Variants in STAP1 observed in about 807,000 individuals in gnomAD.
STAP1 encodes signal transducing adaptor family member 1.
STAP1 carries 30 observed loss-of-function variants against 37.8 expected under a neutral mutation model. The observed-to-expected ratio is 0.79, with a 90% CI of 0.59 to 1.08. The LOEUF is 1.08. STAP1 is among the 50% of genes least tolerant of loss of function. The pLI is 0.00. For missense variants in STAP1, 357 were observed against 349.4 expected, an observed-to-expected ratio of 1.02 and a Z score of -0.17; for synonymous variants, 130 against 116.0, an observed-to-expected ratio of 1.12 and a Z score of -0.78.
At position 67,567,368 on chromosome 4, in the gene STAP1, TG is replaced by T. The variant is rs34020128; in HGVS notation, c.121-3710del. 1.2e-4 allele frequency among the ~76,000 whole-genome samples: 17 copies of T among 142,054 alleles called. No homozygotes were observed. In the East Asian group the frequency reaches 3.5e-3, roughly 29 times the overall value. The allele number at this position is 142,054 out of a possible 152,430, so 93.2% of individuals were successfully genotyped here. On this transcript the variant is annotated intron_variant, in intron 1 of 8. Transcript: ENST00000265404. ...TTGCATGTTATAACCAGTTCTCAAC[TG>T]GGGGGAGGATAGAGTGAAAACACAG...
intron 8 of STAP1, among the ~76,000 whole-genome samples, chr4:67,598,714 C>G (rs901619158): frequency 2.0e-5 from 3 of 152,136 alleles, no homozygotes; most frequent in Non-Finnish European, 4.4e-5. Context: ...AATATTTTCT[C>G]CCATTCTGTG....
At chr4:67,598,873 T>A (rs1728278406) in intron 8 of STAP1, among the ~76,000 whole-genome samples, 1 of 152,222 alleles carries the variant, frequency 6.6e-6, no homozygotes, top group Non-Finnish European at 1.5e-5. Context: ...TGGAGAGTTT[T>A]CCCAATGTTT....
chr4:67,575,317 G>A (rs751842119), intron 2 of STAP1, 68 bp from the exon 3 acceptor site: 4 of 1,010,336 alleles, frequency 4.0e-6, no homozygotes, highest in Non-Finnish European at 4.4e-6. Flanking sequence ...TACTTATTTT[G>A]CTTCCTGCTA....
rs1396587914 is a variant in STAP1, at chr4:67,603,597, G to A, written c.827-2699G>A. Among the ~76,000 whole-genome samples the A allele has an allele frequency of 2.0e-5, 3 of 152,078 alleles. No homozygotes were observed. The East Asian group carries it at 5.8e-4, about 29-fold the overall frequency. On this transcript the variant is annotated intron_variant, in intron 8 of 8. Transcript: ENST00000265404. ...AAGCATGCTTTAGTCAGTAGGTGAT[G>A]AATACTGCCAGGACTGAGTCCTTCC...
chr4:67,558,982 T>C, intron 1 of STAP1, 53 bp downstream of exon 1: 3 of 1,512,674 alleles, frequency 2.0e-6, no homozygotes, highest in Non-Finnish European at 2.7e-6. Flanking sequence ...TAATTTAATA[T>C]TTATTTCATG....
intron 6 of STAP1, among the ~76,000 whole-genome samples, chr4:67,590,266 G>A (rs1349636656): frequency 6.6e-6 from 1 of 152,132 alleles, no homozygotes; most frequent in East Asian, 1.9e-4. Context: ...TGTGACTATA[G>A]AAGAGGAAGA....
chr4:67,567,157 T>C (rs932871223), intron 1 of STAP1, among the ~76,000 whole-genome samples: 1 of 152,182 alleles, frequency 6.6e-6, no homozygotes, highest in Admixed American at 6.5e-5. Context: ...TTAAACTGCT[T>C]GACTGAGACG....
At chr4:67,578,020 A>G (rs1727764839) in intron 4 of STAP1, among the ~76,000 whole-genome samples, 1 of 152,232 alleles carries the variant, frequency 6.6e-6, no homozygotes, top group Admixed American at 6.5e-5. Flanking sequence ...TAAATAACAT[A>G]GACAATGTAA....
chr4:67,592,775 C>T (rs1474063514), intron 7 of STAP1, among the ~76,000 whole-genome samples: 1 of 152,178 alleles, frequency 6.6e-6, no homozygotes, highest in African/African-American at 2.4e-5. Context: ...CCTCGAACTC[C>T]TGGACTCAAG....
intron 8 of STAP1, among the ~76,000 whole-genome samples, chr4:67,598,135 G>C (rs1442569682): frequency 1.3e-5 from 2 of 152,158 alleles, no homozygotes; most frequent in Admixed American, 1.3e-4. Context: ...CTCCCATGCT[G>C]TTCTTATGAT....
intron 8 of STAP1, among the ~76,000 whole-genome samples, chr4:67,596,067 G>A (rs1194787969): frequency 6.6e-6 from 1 of 152,116 alleles, no homozygotes; most frequent in Non-Finnish European, 1.5e-5. Flanking sequence ...ATATGGTTTG[G>A]CTGTTTTCCC....
chr4:67,567,334 G>A (rs1022835860), intron 1 of STAP1, among the ~76,000 whole-genome samples: 1 of 151,472 alleles, frequency 6.6e-6, no homozygotes, highest in African/African-American at 2.4e-5. Flanking sequence ...AGAGGCATCA[G>A]CAGGTTCATT....
At chr4:67,594,928 T>C (rs1022896858) in intron 8 of STAP1, among the ~76,000 whole-genome samples, 4 of 152,164 alleles carry the variant, frequency 2.6e-5, no homozygotes, top group Non-Finnish European at 4.4e-5. Flanking sequence ...TCTGAACCGA[T>C]ACAAGCTTTT....
intron 8 of STAP1, among the ~76,000 whole-genome samples, chr4:67,594,981 G>A (rs1008132563): frequency 6.6e-6 from 1 of 151,928 alleles, no homozygotes; most frequent in Non-Finnish European, 1.5e-5. Context: ...TTTCTTAGTG[G>A]GTGATTTGTC....
chr4:67,590,957 A>G lies in STAP1; in HGVS notation c.729+4A>G, dbSNP rs1372040949. 1 of 1,608,920 alleles carries G rather than the reference A, an allele frequency of 6.2e-7. No individual in the cohort carries two copies. Among genetic ancestry groups the G allele is most frequent in the Admixed American group, 1.7e-5 (1 of 59,498 alleles). The stretch of plus-strand genomic sequence containing the variant: ...CACTATTGAACTGGAAAAACCTGTA[A>G]GTAACTATTTTTGTTGTTGTTGATG... On this transcript the variant is annotated splice_donor_region_variant and intron_variant, in intron 7 of 8. Coordinates refer to ENST00000265404, the MANE Select transcript of STAP1 (RefSeq NM_012108.4).
intron 6 of STAP1, among the ~76,000 whole-genome samples, chr4:67,584,218 G>C (rs1320245639): frequency 6.6e-6 from 1 of 151,998 alleles, no homozygotes. Context: ...CATTATTTTG[G>C]TCCTGGATAT....
chr4:67,568,760 A>G (rs1488379627), intron 1 of STAP1, among the ~76,000 whole-genome samples: 1 of 152,172 alleles, frequency 6.6e-6, no homozygotes, highest in Non-Finnish European at 1.5e-5. Flanking sequence ...CCCAGCTATG[A>G]GCCATGTACT....
At chr4:67,591,476 T>C (rs1194241217) in intron 7 of STAP1, among the ~76,000 whole-genome samples, 1 of 152,214 alleles carries the variant, frequency 6.6e-6, no homozygotes, top group Non-Finnish European at 1.5e-5. Context: ...GAGGTAGATA[T>C]TGTTATGCCT....
At chr4:67,580,690 G>A (rs1727832453) in intron 4 of STAP1, among the ~76,000 whole-genome samples, 1 of 152,122 alleles carries the variant, frequency 6.6e-6, no homozygotes, top group African/African-American at 2.4e-5. Flanking sequence ...TAAATCAGAA[G>A]GACATATATA....
Sources: gnomAD v4.1 joint callset for allele counts (sites outside exome capture counted in the v4.1 genomes callset) on GRCh38, gnomAD v4.1.1 for gene constraint, MANE v1.5 for transcripts, NCBI Gene and HGNC (gene_info 2026-07-23, HGNC 2026-07-21) for gene names.